The following CRTC3 variants were observed in gnomAD, a reference collection of about 807,000 sequenced individuals.
CRTC3 encodes the protein CREB regulated transcription coactivator 3.
CRTC3 carries 26 observed loss-of-function variants against 74.5 expected under a neutral mutation model. The ratio of observed to expected loss-of-function variants is 0.35; its 90% CI spans 0.26 to 0.48. CRTC3 has a LOEUF of 0.48. CRTC3 is among the 20% of genes least tolerant of loss of function. CRTC3 has a pLI of 0.99. For missense variants in CRTC3, 760 were observed against 787.3 expected (o/e 0.97, Z 0.41); for synonymous variants, 377 against 325.8 (o/e 1.16, Z -1.69).
intron 1 of CRTC3, among the ~76,000 whole-genome samples, chr15:90,537,231 A>C (rs892215096): frequency 1.2e-5 from 1 of 86,340 alleles, no homozygotes; most frequent in Non-Finnish European, 2.8e-5. Context: ...AGCAATAATG[A>C]TAATATCTTA....
chr15:90,531,580 A>G (rs1055449538), intron 1 of CRTC3, among the ~76,000 whole-genome samples: 2 of 152,240 alleles, frequency 1.3e-5, no homozygotes, highest in Admixed American at 6.5e-5. Flanking sequence ...GAAGATTTCA[A>G]GAAAATGTTT....
chr15:90,621,894 AC>A (rs2151089303), intron 9 of CRTC3, among the ~76,000 whole-genome samples: 1 of 152,314 alleles, frequency 6.6e-6, no homozygotes, highest in Non-Finnish European at 1.5e-5. Flanking sequence ...AATGAACAAA[AC>A]AGATCAAGTT....
chr15:90,540,092 C>T lies in CRTC3; in HGVS notation c.186C>T (p.Ser62=). The change falls in exon 2 of 15, where the codon TCC becomes TCT. Residue 62 remains serine, a synonymous_variant. Transcript: ENST00000268184. ...GCCTTACACAGTACCATGGAGGATC[C>T]TTACCAAATGTGAGCCAGCTGCGGA... is the stretch of plus-strand genomic sequence containing the variant. ...QLRLTQYHGG[S]LPNVSQLRSS... 1 of 1,613,372 alleles carries T rather than the reference C, an allele frequency of 6.2e-7. No individual in the cohort carries two copies. The highest frequency in any genetic ancestry group is 8.5e-7 in the Non-Finnish European group (1 of 1,179,838).
At chr15:90,587,744 G>A (rs1367819354) in intron 2 of CRTC3, among the ~76,000 whole-genome samples, 1 of 152,082 alleles carries the variant, frequency 6.6e-6, no homozygotes, top group African/African-American at 2.4e-5. Context: ...CTCCCAAGTA[G>A]CTGGGACTAC....
intron 1 of CRTC3, among the ~76,000 whole-genome samples, chr15:90,532,030 A>G (rs1966635545): frequency 6.6e-6 from 1 of 152,196 alleles, no homozygotes; most frequent in South Asian, 2.1e-4. Context: ...AGCAAGCCTA[A>G]TCAACTGTGG....
At chr15:90,627,798 T>G (rs868219229) in intron 10 of CRTC3, among the ~76,000 whole-genome samples, 4 of 150,432 alleles carry the variant, frequency 2.7e-5, no homozygotes, top group South Asian at 2.1e-4. Flanking sequence ...ATTTTTTTAG[T>G]AGAGACGGGG....
chr15:90,642,171 T>C lies in CRTC3; in HGVS notation c.*31T>C, dbSNP rs1390445552. On this transcript the variant is annotated 3_prime_UTR_variant, in exon 15 of 15. Coordinates refer to ENST00000268184, the MANE Select transcript of CRTC3 (RefSeq NM_022769.5). ...AGGCAGTGGAACAGAAGAATGTTTT[T>C]CTGCAACAGCCAAAATAGAATGGAA... is the stretch of plus-strand genomic sequence containing the variant. The C allele has an allele frequency of 1.3e-6, 2 of 1,586,760 alleles. No individual in the cohort carries two copies. The highest frequency in any genetic ancestry group is 8.7e-7 in the Non-Finnish European group (1 of 1,155,810).
At chr15:90,630,515 G>C (rs1968997881) in intron 11 of CRTC3, among the ~76,000 whole-genome samples, 1 of 152,110 alleles carries the variant, frequency 6.6e-6, no homozygotes, top group Non-Finnish European at 1.5e-5. Context: ...CTCCAGAGCG[G>C]AGGTGGGAGG....
At position 90,545,792 on chromosome 15, in the gene CRTC3, A is replaced by C. The variant is rs555211887; in HGVS notation, c.231+5655A>C. Among the ~76,000 whole-genome samples, 45 of 151,856 alleles carry C rather than the reference A, an allele frequency of 3.0e-4. No individual in the cohort carries two copies. The South Asian group carries it at 5.6e-3, about 19-fold the overall frequency. On this transcript the variant is annotated intron_variant, in intron 2 of 14. Coordinates refer to ENST00000268184, the MANE Select transcript of CRTC3 (RefSeq NM_022769.5). ...ACGGGGTTTCACTGTGTTAGCCAGG[A>C]TGGTCTCCATCTCCTGACTTTGTGA...
intron 11 of CRTC3, among the ~76,000 whole-genome samples, chr15:90,634,550 C>T (rs35977271): frequency 6.6e-6 from 1 of 152,086 alleles, no homozygotes; most frequent in African/African-American, 2.4e-5. Context: ...TCTTCCTGCA[C>T]ACATCTTTCC....
chr15:90,637,637 T>G (rs144354526), intron 11 of CRTC3, among the ~76,000 whole-genome samples: 315 of 152,254 alleles, frequency 2.1e-3, no homozygotes, highest in African/African-American at 7.4e-3. Context: ...ACCCTTAGTT[T>G]TATTATCTCG....
chr15:90,628,392 C>T (rs1029964697), intron 10 of CRTC3, among the ~76,000 whole-genome samples: 4 of 152,100 alleles, frequency 2.6e-5, no homozygotes, highest in African/African-American at 9.7e-5. Context: ...AAGGTTAAAA[C>T]GTAGGTATTG....
chr15:90,557,736 C>T (rs922224656), intron 2 of CRTC3, among the ~76,000 whole-genome samples: 1 of 152,096 alleles, frequency 6.6e-6, no homozygotes, highest in Admixed American at 6.5e-5. Context: ...ATCTCTAGGA[C>T]CCAGCCTGAA....
intron 7 of CRTC3, among the ~76,000 whole-genome samples, chr15:90,616,096 A>G (rs1384807735): frequency 1.3e-5 from 2 of 151,912 alleles, no homozygotes; most frequent in Non-Finnish European, 2.9e-5. Context: ...AATGATTATC[A>G]TTATATTAAT....
intron 9 of CRTC3, among the ~76,000 whole-genome samples, chr15:90,623,834 A>G (rs1039008799): frequency 6.6e-5 from 10 of 150,386 alleles, no homozygotes; most frequent in East Asian, 2.0e-4. Context: ...CCTAAACTCA[A>G]CCTCCCGTGG....
At chr15:90,604,654 T>A (rs544429226) in intron 5 of CRTC3, among the ~76,000 whole-genome samples, 1 of 152,348 alleles carries the variant, frequency 6.6e-6, no homozygotes, top group South Asian at 2.1e-4. Flanking sequence ...GGTTTGCATC[T>A]TGCTGTATGA....
At chr15:90,608,432 C>A (rs761252097) in intron 6 of CRTC3, among the ~76,000 whole-genome samples, 2 of 152,156 alleles carry the variant, frequency 1.3e-5, no homozygotes, top group Non-Finnish European at 2.9e-5. Context: ...ACTGGTGTTT[C>A]TTCCTGTTCC....
intron 2 of CRTC3, among the ~76,000 whole-genome samples, chr15:90,564,902 C>T (rs1484090482): frequency 3.7e-5 from 5 of 133,442 alleles, no homozygotes; most frequent in African/African-American, 1.3e-4. Flanking sequence ...ACAATTTAAC[C>T]AACCTTCCTT....
chr15:90,617,731 A>T (rs565525756), intron 7 of CRTC3, 152 bp from the exon 8 acceptor site: 1 of 557,718 alleles, frequency 1.8e-6, no homozygotes, highest in Admixed American at 2.9e-5. Context: ...GGGTCTCACT[A>T]TGTTGCCCAG....
Sources: gnomAD v4.1 joint callset for allele counts (sites outside exome capture counted in the v4.1 genomes callset) on GRCh38, gnomAD v4.1.1 for gene constraint, MANE v1.5 for transcripts, NCBI Gene and HGNC (gene_info 2026-07-23, HGNC 2026-07-21) for gene names.